ZSWIM5: variants seen among roughly 807,000 people sequenced by gnomAD.
ZSWIM5 encodes zinc finger SWIM-type containing 5, also known as zinc finger SWIM domain-containing protein 5.
In ZSWIM5, 55 loss-of-function variants were observed where a neutral mutation model predicts 119.6. The observed-to-expected ratio is 0.46, with a 90% CI of 0.37 to 0.58. ZSWIM5 has a LOEUF of 0.58. Among genes scored for constraint, ZSWIM5 ranks in the 20% least tolerant of loss-of-function variants. The probability of loss-of-function intolerance (pLI) is 0.00; values close to 1 mark genes in which losing one functional copy is unlikely to be tolerated. For synonymous variants in ZSWIM5, 537 were observed against 606.9 expected (o/e 0.88, Z 1.69); for missense variants, 1,193 against 1,512.8 (o/e 0.79, Z 3.51).
chr1:45,095,588 T>G (rs1211765424), intron 1 of ZSWIM5, among the ~76,000 whole-genome samples: 1 of 152,214 alleles, frequency 6.6e-6, no homozygotes, highest in African/African-American at 2.4e-5. Context: ...TGATGAGATT[T>G]GGGTTTTTTG....
At chr1:45,047,719 G>A (rs1645064183) in intron 5 of ZSWIM5, among the ~76,000 whole-genome samples, 1 of 152,162 alleles carries the variant, frequency 6.6e-6, no homozygotes, top group Non-Finnish European at 1.5e-5. Context: ...CAGAGTAGAT[G>A]GGCAAAGACA....
chr1:45,185,031 G>A (rs1228549740), intron 1 of ZSWIM5, among the ~76,000 whole-genome samples: 1 of 151,098 alleles, frequency 6.6e-6, no homozygotes, highest in Non-Finnish European at 1.5e-5. Context: ...AAAACAGAAT[G>A]GTACTGGTAC....
rs1409249152 is a variant in ZSWIM5 at position 45,199,575 on chromosome 1, G to A, written c.595+6181C>T. Reference sequence around the variant, plus strand: ...CGGCCTACCAAAGTGCTGGGAGTGAGCCACCACGCCTGGCCTCAATAGTCT... The same window carrying A: ...CGGCCTACCAAAGTGCTGGGAGTGAACCACCACGCCTGGCCTCAATAGTCT... On this transcript the variant is annotated intron_variant, in intron 1 of 13. Transcript: ENST00000359600. 2.0e-5 allele frequency among the ~76,000 whole-genome samples: 3 copies of A among 152,052 alleles called. No homozygotes were observed. The East Asian group carries it at 5.8e-4, about 29-fold the overall frequency.
intron 1 of ZSWIM5, among the ~76,000 whole-genome samples, chr1:45,114,637 CTG>C (rs1460338006): frequency 1.3e-4 from 20 of 149,364 alleles, no homozygotes; most frequent in African/African-American, 2.7e-4. Context: ...TGTTTGTACT[CTG>C]TATCTTTTTT....
rs1239778288 is a variant in ZSWIM5 at position 45,206,041 on chromosome 1, G to C, written c.310C>G (p.Arg104Gly). The C allele has an allele frequency of 1.2e-6, 2 of 1,606,940 alleles. No homozygotes were observed. Among genetic ancestry groups the C allele is most frequent in the Admixed American group, 1.7e-5 (1 of 59,598 alleles). ...TACATGCAGATCTCCCGCTCATTCC[G>C]CGGGAAGGACCAGTAGACGATGCGG... ...QRRIVYWSFP[R>G]NEREICMYSS... is the part of the protein sequence containing the mutation. The change falls in exon 1 of 14, where the codon CGG (arginine) becomes GGG (glycine). Residue 104 changes from arginine to glycine, a missense_variant. Around this residue, in one of 2 missense-constraint regions of ZSWIM5, gnomAD observed 232 missense variants for 222.9 expected, o/e 1.04. Coordinates refer to ENST00000359600, the MANE Select transcript of ZSWIM5 (RefSeq NM_020883.2).
chr1:45,111,978 T>A (rs933351259), intron 1 of ZSWIM5, among the ~76,000 whole-genome samples: 6 of 152,258 alleles, frequency 3.9e-5, no homozygotes, highest in African/African-American at 1.4e-4. Context: ...GGAGTCATAC[T>A]GCCTGGGTTC....
Position 45,040,194 on chromosome 1 carries a change from C to G in ZSWIM5, c.1756+198G>C, listed in dbSNP as rs1252268790. Among the ~76,000 whole-genome samples, 15 of 152,300 alleles carry G rather than the reference C, an allele frequency of 9.8e-5. No individual in the cohort carries two copies. In the East Asian group the frequency reaches 2.9e-3, roughly 29 times the overall value. ...TACCAGATCTTAATGAGCCTTCTAA[C>G]TGCCTTATGAGGGAGGCAAACAGGT... On this transcript the variant is annotated intron_variant, in intron 7 of 13. Coordinates refer to ENST00000359600, the MANE Select transcript of ZSWIM5 (RefSeq NM_020883.2).
chr1:45,205,266 T>C (rs899419193), intron 1 of ZSWIM5, among the ~76,000 whole-genome samples: 2 of 152,140 alleles, frequency 1.3e-5, no homozygotes, highest in African/African-American at 4.8e-5. Flanking sequence ...TAAAACTGTC[T>C]GAAACATGCA....
chr1:45,142,939 G>T (rs375373065), intron 1 of ZSWIM5, among the ~76,000 whole-genome samples: 1 of 151,280 alleles, frequency 6.6e-6, no homozygotes, highest in East Asian at 1.9e-4. Flanking sequence ...GGGAGGCCGA[G>T]GTGAGCGGGT....
intron 1 of ZSWIM5, among the ~76,000 whole-genome samples, chr1:45,166,526 A>G (rs1052095421): frequency 1.3e-5 from 2 of 152,054 alleles, no homozygotes; most frequent in African/African-American, 4.8e-5. Flanking sequence ...AGGAAGTCAA[A>G]TTGTCCCTGT....
At chr1:45,187,159 AAAG>A (rs1281306459) in intron 1 of ZSWIM5, among the ~76,000 whole-genome samples, 2 of 152,216 alleles carry the variant, frequency 1.3e-5, no homozygotes, top group East Asian at 1.9e-4. Context: ...CAATCTTGAA[AAAG>A]AAGAATAAAG....
At chr1:45,109,757 A>G (rs1017016877) in intron 1 of ZSWIM5, among the ~76,000 whole-genome samples, 3 of 151,188 alleles carry the variant, frequency 2.0e-5, no homozygotes, top group Admixed American at 6.6e-5. Flanking sequence ...AAAAAAAAAA[A>G]GAATGTTATT....
intron 1 of ZSWIM5, among the ~76,000 whole-genome samples, chr1:45,181,575 A>G (rs1451108763): frequency 6.6e-6 from 1 of 152,066 alleles, no homozygotes; most frequent in Non-Finnish European, 1.5e-5. Context: ...CTGGAAATAC[A>G]GAGAACGCCA....
At chr1:45,062,806 G>A (rs1645160845) in intron 2 of ZSWIM5, among the ~76,000 whole-genome samples, 2 of 152,060 alleles carry the variant, frequency 1.3e-5, no homozygotes, top group Admixed American at 1.3e-4. Context: ...ACCTGGCCGA[G>A]TTTTTTAAAA....
At chr1:45,184,933 C>G (rs1646047712) in intron 1 of ZSWIM5, among the ~76,000 whole-genome samples, 1 of 152,132 alleles carries the variant, frequency 6.6e-6, no homozygotes, top group Non-Finnish European at 1.5e-5. Flanking sequence ...AAAGAGCCCT[C>G]ATTGCCAAGT....
intron 1 of ZSWIM5, among the ~76,000 whole-genome samples, chr1:45,113,882 A>G (rs1274120686): frequency 1.3e-5 from 2 of 152,182 alleles, no homozygotes; most frequent in Non-Finnish European, 2.9e-5. Context: ...CTGTTAAAGA[A>G]ACCATCCTGA....
chr1:45,043,401 G>A lies in ZSWIM5; in HGVS notation c.1433-6C>T. 6.2e-7 allele frequency: 1 copy of A among 1,613,866 alleles called. No individual in the cohort carries two copies. Among genetic ancestry groups the A allele is most frequent in the Non-Finnish European group, 8.5e-7 (1 of 1,179,878 alleles). ...TCTTGGTCTGGATAAGGAGTCTGGA[G>A]AAAGAAGAACATGCAGCAGTACAGT... On this transcript the variant is annotated splice_polypyrimidine_tract_variant and splice_region_variant and intron_variant, in intron 5 of 13. Transcript: ENST00000359600.
At chr1:45,157,708 T>C (rs1310966570) in intron 1 of ZSWIM5, among the ~76,000 whole-genome samples, 1 of 151,806 alleles carries the variant, frequency 6.6e-6, no homozygotes, top group Non-Finnish European at 1.5e-5. Flanking sequence ...CTTGCATAAA[T>C]ACTTAGGAGA....
At chr1:45,172,510 A>G (rs975778878) in intron 1 of ZSWIM5, among the ~76,000 whole-genome samples, 6 of 152,102 alleles carry the variant, frequency 3.9e-5, no homozygotes, top group African/African-American at 1.4e-4. Context: ...GAACTGTTTT[A>G]TTTTGCAACA....
Sources: gnomAD v4.1 joint callset for allele counts (sites outside exome capture counted in the v4.1 genomes callset) on GRCh38, gnomAD v4.1.1 for gene constraint, gnomAD v4.1.1 regional missense constraint, MANE v1.5 for transcripts, NCBI Gene and HGNC (gene_info 2026-07-23, HGNC 2026-07-21) for gene names.